Variants in SHQ1 observed in about 807,000 individuals in gnomAD.
The protein encoded by SHQ1 is SHQ1, H/ACA ribonucleoprotein assembly factor.
A neutral mutation model predicts 53.8 loss-of-function variants in SHQ1; 49 were observed. The ratio of observed to expected loss-of-function variants is 0.91; its 90% CI spans 0.72 to 1.16. The LOEUF is 1.16. SHQ1 is among the 50% of genes most tolerant of loss of function. SHQ1 has a pLI of 0.00. For synonymous variants in SHQ1, 243 were observed against 251.0 expected, an observed-to-expected ratio of 0.97 and a Z score of 0.30; for missense variants, 738 against 683.1, an observed-to-expected ratio of 1.08 and a Z score of -0.90.
the SHQ1 span, among the ~76,000 whole-genome samples, chr3:72,739,323 C>T: frequency 1.3e-5 from 2 of 152,138 alleles, no homozygotes; most frequent in South Asian, 4.1e-4. Flanking sequence ...TCTTCCTTCC[C>T]CCAGGTGCGA....
intron 5 of SHQ1, 114 bp downstream of exon 5, chr3:72,832,255 T>C: frequency 1.4e-6 from 1 of 718,980 alleles, no homozygotes; most frequent in Non-Finnish European, 2.4e-6. Flanking sequence ...TCTTCAGTCA[T>C]CAATAATTTC....
rs550722524 is a variant in SHQ1, at chr3:72,759,501, GC to G, written c.1182-8666del. Among the ~76,000 whole-genome samples, 807 of 152,238 alleles carry G rather than the reference GC, an allele frequency of 5.3e-3. 5 individuals carry two copies. The highest frequency in any genetic ancestry group is 0.018 in the African/African-American group (747 of 41,542). ...AGGTCAGGAGTTCGAGACCAGCCTG[GC>G]CAACATGGGGAAATCCTGTCTCTAC... On this transcript the variant is annotated intron_variant, in intron 10 of 10. Transcript: ENST00000325599.
chr3:72,773,253 G>T, intron 10 of SHQ1: 1 of 679,600 alleles, frequency 1.5e-6, no homozygotes, highest in South Asian at 1.4e-5. Flanking sequence ...GAAGGAGAAT[G>T]AGAAAGAGAC....
the SHQ1 span, among the ~76,000 whole-genome samples, chr3:72,728,844 A>G: frequency 3.3e-5 from 5 of 152,206 alleles, no homozygotes; most frequent in African/African-American, 1.2e-4. Flanking sequence ...GGGGTTCACT[A>G]CAGGGCCACG....
rs1025724125 is a variant in SHQ1, at chr3:72,749,800, G to A, written c.*484C>T. 3.2e-5 allele frequency: 7 copies of A among 221,794 alleles called. No individual in the cohort carries two copies. Among genetic ancestry groups the A allele is most frequent in the South Asian group, 1.8e-4 (1 of 5,434 alleles). The allele number at this position is 221,794 out of a possible 1,614,324, so 13.7% of individuals were successfully genotyped here. On this transcript the variant is annotated 3_prime_UTR_variant, in exon 11 of 11. Transcript: ENST00000325599. ...TTTTGAACTTTATCTTCACAGTCGC[G>A]GCAAGGAAAACAAAAGGTATAAACA...
chr3:72,838,341 T>C lies in SHQ1; in HGVS notation c.486+2704A>G, dbSNP rs543160818. 1.3e-4 allele frequency among the ~76,000 whole-genome samples: 20 copies of C among 152,352 alleles called. No individual in the cohort carries two copies. In the South Asian group the frequency reaches 3.9e-3, roughly 30 times the overall value. On this transcript the variant is annotated intron_variant, in intron 4 of 10. Coordinates refer to ENST00000325599, the MANE Select transcript of SHQ1 (RefSeq NM_018130.3). ...ATAAAACCCTTAGAGTTTTCCCAAATGCTCAGTTGTTTTTCCCCTACATTA... is the reference window on the plus strand; with the variant it reads ...ATAAAACCCTTAGAGTTTTCCCAAACGCTCAGTTGTTTTTCCCCTACATTA...
At chr3:72,843,415 CTTCTT>C (rs1253778354) in intron 2 of SHQ1, among the ~76,000 whole-genome samples, 5 of 152,164 alleles carry the variant, frequency 3.3e-5, no homozygotes, top group African/African-American at 9.7e-5. Context: ...AGTCTATGTA[CTTCTT>C]TTCTTTCCTT....
chr3:72,753,160 A>T, intron 10 of SHQ1: 2 of 985,456 alleles, frequency 2.0e-6, no homozygotes, highest in Non-Finnish European at 2.4e-6. Context: ...AAGAAAGGTG[A>T]CAGTGAGTGA....
chr3:72,754,627 C>T (rs1012339049), intron 10 of SHQ1, among the ~76,000 whole-genome samples: 11 of 152,048 alleles, frequency 7.2e-5, no homozygotes, highest in African/African-American at 1.4e-4. Flanking sequence ...GTGATCTGCC[C>T]GCCTAGGCCT....
chr3:72,772,907 C>A, intron 10 of SHQ1: 1 of 815,834 alleles, frequency 1.2e-6, no homozygotes, highest in Non-Finnish European at 2.2e-6. Flanking sequence ...GCTGTTACAA[C>A]TTCTAAATGG....
At chr3:72,795,640 G>A (rs1215735743) in intron 9 of SHQ1, 2 of 152,144 alleles carry the variant, frequency 1.3e-5, no homozygotes, top group African/African-American at 4.8e-5. Context: ...GGGTGCAGAG[G>A]GAAGGAGTTA....
At chr3:72,763,050 C>CGT (rs1705644182) in intron 10 of SHQ1, among the ~76,000 whole-genome samples, 1 of 142,116 alleles carries the variant, frequency 7.0e-6, no homozygotes, top group Non-Finnish European at 1.5e-5. Flanking sequence ...CACACACACA[C>CGT]ACACACACAC....
the SHQ1 span, among the ~76,000 whole-genome samples, chr3:72,735,283 T>C: frequency 6.6e-6 from 1 of 150,508 alleles, no homozygotes; most frequent in Non-Finnish European, 1.5e-5. Context: ...CTGGGCTCAG[T>C]GGGGGCGGTT....
intron 10 of SHQ1, among the ~76,000 whole-genome samples, chr3:72,758,432 T>C (rs568309850): frequency 6.6e-5 from 10 of 152,288 alleles, no homozygotes; most frequent in Middle Eastern, 3.4e-3. Context: ...ATCTAGTCCA[T>C]GGATCAGCAG....
chr3:72,763,842 C>T lies in SHQ1; in HGVS notation c.1182-13006G>A, dbSNP rs1221490026. 3.9e-5 allele frequency among the ~76,000 whole-genome samples: 6 copies of T among 152,138 alleles called. No homozygotes were observed. The East Asian group carries it at 1.2e-3, about 29-fold the overall frequency. On this transcript the variant is annotated intron_variant, in intron 10 of 10. Transcript: ENST00000325599. ...GACACCTTGATTTTGGAATTCTAGC[C>T]TCTAGGAATGCAAGGAATAAAGGTC...
rs186457705 is a variant in SHQ1 at position 72,801,446 on chromosome 3, A to T, written c.1061-8410T>A. Among the ~76,000 whole-genome samples the T allele has an allele frequency of 1.1e-4, 17 of 152,316 alleles. 1 individual carries two copies. Among genetic ancestry groups the T allele is most frequent in the Admixed American group, 3.3e-4 (5 of 15,296 alleles). On this transcript the variant is annotated intron_variant, in intron 9 of 10. Transcript: ENST00000325599. ...AATTAGTTTTATTTCAAAATGAAAAAAACTAAAATTGCATGAGGTTGGAAA... is the reference window on the plus strand; with the variant it reads ...AATTAGTTTTATTTCAAAATGAAAATAACTAAAATTGCATGAGGTTGGAAA...
At chr3:72,731,447 A>G in the SHQ1 span, among the ~76,000 whole-genome samples, 2 of 151,326 alleles carry the variant, frequency 1.3e-5, no homozygotes, top group South Asian at 4.2e-4. Context: ...GCACTTTGGG[A>G]GGCCGAGACA....
At chr3:72,738,675 C>G in the SHQ1 span, among the ~76,000 whole-genome samples, 1 of 152,328 alleles carries the variant, frequency 6.6e-6, no homozygotes, top group East Asian at 1.9e-4. Flanking sequence ...CCCTCTCCTC[C>G]CAGCAGCTTC....
At chr3:72,742,664 T>C in the SHQ1 span, among the ~76,000 whole-genome samples, 1 of 146,242 alleles carries the variant, frequency 6.8e-6, no homozygotes, top group East Asian at 2.0e-4. Flanking sequence ...TTGTCCAGGC[T>C]GGAGTGCAGT....
Sources: allele counts gnomAD v4.1 joint callset (sites outside exome capture counted in the v4.1 genomes callset), GRCh38; gene constraint gnomAD v4.1.1; transcripts MANE v1.5; gene names NCBI Gene and HGNC (gene_info 2026-07-23, HGNC 2026-07-21).